The following LAMA4 variants were observed in gnomAD, a reference collection of about 807,000 sequenced individuals.
The protein encoded by LAMA4 is laminin subunit alpha-4.
Under a neutral mutation model 207.1 loss-of-function variants are expected in LAMA4, and 127 were observed. The observed-to-expected ratio is 0.61, with a 90% CI of 0.53 to 0.71. LAMA4 has a LOEUF of 0.71. Among genes scored for constraint, LAMA4 ranks in the 30% least tolerant of loss-of-function variants. The probability of loss-of-function intolerance (pLI) is 0.00; values close to 1 mark genes in which losing one functional copy is unlikely to be tolerated. For missense variants in LAMA4, 2,093 were observed against 2,246.5 expected (o/e 0.93, Z 1.38); for synonymous variants, 761 against 816.0 (o/e 0.93, Z 1.15).
intron 2 of LAMA4, among the ~76,000 whole-genome samples, chr6:112,244,999 C>A (rs571991595): frequency 1.3e-5 from 2 of 152,260 alleles, no homozygotes; most frequent in Non-Finnish European, 2.9e-5. Flanking sequence ...TCATGTACTA[C>A]AATTAAACCG....
At chr6:112,220,940 A>G (rs1300037668) in intron 2 of LAMA4, among the ~76,000 whole-genome samples, 1 of 152,122 alleles carries the variant, frequency 6.6e-6, no homozygotes, top group Non-Finnish European at 1.5e-5. Context: ...GGAGCTAATT[A>G]ATTGCCCACA....
chr6:112,134,746 AATAG>A (rs1300969638), intron 25 of LAMA4, 137 bp from the exon 26 acceptor site: 10 of 699,128 alleles, frequency 1.4e-5, no homozygotes, highest in Non-Finnish European at 2.2e-5. Flanking sequence ...CAAAATGGGG[AATAG>A]ATAGATTTTC....
intron 6 of LAMA4, among the ~76,000 whole-genome samples, chr6:112,191,347 T>C (rs188164334): frequency 5.3e-5 from 8 of 152,306 alleles, no homozygotes; most frequent in African/African-American, 1.9e-4. Context: ...GTCCGATTTA[T>C]TTCTTTGATT....
intron 7 of LAMA4, chr6:112,188,770 T>C (rs1782843117): frequency 4.4e-6 from 1 of 229,432 alleles, no homozygotes; most frequent in South Asian, 8.1e-5. Context: ...ACGTCGTATT[T>C]TCAGGGACCT....
At chr6:112,192,891 G>A (rs782470206) in intron 5 of LAMA4, among the ~76,000 whole-genome samples, 1 of 152,220 alleles carries the variant, frequency 6.6e-6, no homozygotes, top group Non-Finnish European at 1.5e-5. Flanking sequence ...AGCCTTGAGA[G>A]GATGAAGGAC....
chr6:112,254,434 G>A (rs1193556549), intron 1 of LAMA4, 25 bp downstream of exon 1: 2 of 496,702 alleles, frequency 4.0e-6, no homozygotes, highest in African/African-American at 2.0e-5. Flanking sequence ...TCTGGCTCAA[G>A]AACCTACAGA....
chr6:112,208,156 G>A (rs573311358), intron 3 of LAMA4, among the ~76,000 whole-genome samples: 9 of 151,024 alleles, frequency 6.0e-5, no homozygotes, highest in African/African-American at 2.2e-4. Context: ...TGGGGTTGCA[G>A]TGAAAAATTA....
At chr6:112,253,713 ACACATG>A in intron 2 of LAMA4, 2 of 1,596,950 alleles carry the variant, frequency 1.3e-6, no homozygotes, top group Non-Finnish European at 1.7e-6. Context: ...CAGAGCACCA[ACACATG>A]CACTCTCACC....
At chr6:112,228,960 A>G (rs782033508) in intron 2 of LAMA4, among the ~76,000 whole-genome samples, 1 of 152,154 alleles carries the variant, frequency 6.6e-6, no homozygotes, top group African/African-American at 2.4e-5. Flanking sequence ...TCTGGGGACT[A>G]TTCAGTGGTC....
At chr6:112,252,046 GATC>G (rs1400418938) in intron 2 of LAMA4, among the ~76,000 whole-genome samples, 1 of 152,284 alleles carries the variant, frequency 6.6e-6, no homozygotes, top group African/African-American at 2.4e-5. Flanking sequence ...CTTTTAATCT[GATC>G]ATCATCCACA....
chr6:112,216,111 G>A (rs1042772784), intron 3 of LAMA4, among the ~76,000 whole-genome samples: 1 of 152,210 alleles, frequency 6.6e-6, no homozygotes, highest in Non-Finnish European at 1.5e-5. Context: ...TTGGTCTACA[G>A]CAGGCAACCA....
At chr6:112,174,656 C>T (rs533738054) in intron 11 of LAMA4, among the ~76,000 whole-genome samples, 1 of 152,276 alleles carries the variant, frequency 6.6e-6, no homozygotes, top group South Asian at 2.1e-4. Context: ...CCACGCCCAG[C>T]TATTTTTTGT....
intron 1 of LAMA4, 44 bp downstream of exon 1, chr6:112,254,415 C>T: frequency 1.9e-6 from 1 of 529,168 alleles, no homozygotes; most frequent in Non-Finnish European, 3.4e-6. Context: ...TTCTCCTTCC[C>T]GCAGAGGTTC....
At chr6:112,211,546 G>A (rs1193949108) in intron 3 of LAMA4, among the ~76,000 whole-genome samples, 2 of 152,186 alleles carry the variant, frequency 1.3e-5, no homozygotes, top group East Asian at 3.9e-4. Flanking sequence ...GTGAAGAAAA[G>A]AGACAGGTCA....
chr6:112,211,516 T>A (rs1784354440), intron 3 of LAMA4, among the ~76,000 whole-genome samples: 1 of 152,220 alleles, frequency 6.6e-6, no homozygotes, highest in South Asian at 2.1e-4. Flanking sequence ...GGTTCCTGCC[T>A]TTGAGTAACT....
At position 112,191,793 on chromosome 6, in the gene LAMA4, A is replaced by G. The variant is rs781933283; in HGVS notation, c.561T>C (p.Cys187=). The part of the protein sequence containing the change: ...PLLIGSTCKK[C]DCSGNSDPNL... The stretch of plus-strand genomic sequence containing the variant: ...TGGGATCTGAATTTCCACTGCAGTC[A>G]CATTTCTTACAGGTGCTTCCAATGA... Residue 187 remains cysteine, a synonymous_variant, in exon 6 of 39, where the codon TGT becomes TGC. Coordinates refer to ENST00000230538, the MANE Select transcript of LAMA4 (RefSeq NM_001105206.3). 8 of 1,614,156 alleles carry G rather than the reference A, an allele frequency of 5.0e-6. No homozygotes were observed. The highest frequency in any genetic ancestry group is 6.8e-6 in the Non-Finnish European group (8 of 1,180,012).
intron 8 of LAMA4, among the ~76,000 whole-genome samples, chr6:112,186,025 C>T (rs1782663556): frequency 6.6e-6 from 1 of 152,186 alleles, no homozygotes; most frequent in Non-Finnish European, 1.5e-5. Context: ...TGGACAAGAA[C>T]AATTTCAAAG....
chr6:112,247,222 T>C (rs1407294157), intron 2 of LAMA4, among the ~76,000 whole-genome samples: 1 of 152,170 alleles, frequency 6.6e-6, no homozygotes, highest in Admixed American at 6.6e-5. Context: ...GCAGGTGTAT[T>C]TCTATTTATT....
intron 9 of LAMA4, among the ~76,000 whole-genome samples, chr6:112,183,085 T>C (rs1782462879): frequency 6.6e-6 from 1 of 152,172 alleles, no homozygotes; most frequent in African/African-American, 2.4e-5. Context: ...ATGAAATCCA[T>C]GTGGCAGGTA....
Sources: gnomAD v4.1 joint callset for allele counts (sites outside exome capture counted in the v4.1 genomes callset) on GRCh38, gnomAD v4.1.1 for gene constraint, MANE v1.5 for transcripts, NCBI Gene and HGNC (gene_info 2026-07-23, HGNC 2026-07-21) for gene names.